The following CTNNA1 variants were observed in gnomAD, a reference collection of about 807,000 sequenced individuals.
CTNNA1 encodes catenin alpha 1.
A neutral mutation model predicts 98.4 loss-of-function variants in CTNNA1; 37 were observed. The ratio of observed to expected loss-of-function variants is 0.38; its 90% CI spans 0.29 to 0.49. CTNNA1 has a LOEUF of 0.49. Ranked by LOEUF, CTNNA1 falls within the 20% of genes least tolerant of loss-of-function variation. The pLI, the probability that CTNNA1 is intolerant of heterozygous loss-of-function variation, is 0.95. For missense variants in CTNNA1, 761 were observed against 1,147.2 expected, an observed-to-expected ratio of 0.66 and a Z score of 4.86; for synonymous variants, 404 against 413.2, an observed-to-expected ratio of 0.98 and a Z score of 0.27.
At chr5:138,852,859 T>TTGCGCGCGCGCACGCGCACACACACA (rs1554089778) in intron 7 of CTNNA1, among the ~76,000 whole-genome samples, 1 of 15,644 alleles carries the variant, frequency 6.4e-5, no homozygotes, top group South Asian at 2.3e-3. Context: ...TTCCCTCTTT[T>TTGCGCGCGCGCACGCGCACACACACA]CGCGCGCGCG....
intron 7 of CTNNA1, among the ~76,000 whole-genome samples, chr5:138,884,719 C>T (rs1753651365): frequency 6.6e-6 from 1 of 152,084 alleles, no homozygotes; most frequent in Non-Finnish European, 1.5e-5. Context: ...TATAATGAGG[C>T]ACATCCAACT....
In CTNNA1 at chr5:138,902,305, G is replaced by C. The variant is rs188800857; in HGVS notation, c.1297-2044G>C. Among the ~76,000 whole-genome samples, 271 of 152,308 alleles carry C rather than the reference G, an allele frequency of 1.8e-3. 1 individual carries two copies. Among genetic ancestry groups the C allele is most frequent in the African/African-American group, 5.8e-3 (242 of 41,542 alleles). The stretch of plus-strand genomic sequence containing the variant: ...GAGTTTTAAGGATTCATAAGATTGA[G>C]AATATAGATTGAAATAAGATTGTGC... On this transcript the variant is annotated intron_variant, in intron 9 of 17. Transcript: ENST00000302763.
At chr5:138,852,113 G>A (rs1178650238) in intron 7 of CTNNA1, among the ~76,000 whole-genome samples, 5 of 152,184 alleles carry the variant, frequency 3.3e-5, no homozygotes, top group Admixed American at 1.3e-4. Flanking sequence ...TATAACATGG[G>A]TGCTACCCAA....
chr5:138,888,739 G>A (rs1434846294), intron 9 of CTNNA1, among the ~76,000 whole-genome samples: 5 of 150,028 alleles, frequency 3.3e-5, no homozygotes, highest in African/African-American at 7.4e-5. Flanking sequence ...TTTTTTTTTA[G>A]TAGAGACGGG....
chr5:138,782,064 G>A (rs1299160571), intron 2 of CTNNA1, 35 bp downstream of exon 2: 2 of 1,589,720 alleles, frequency 1.3e-6, no homozygotes, highest in South Asian at 2.3e-5. Context: ...ATTGTAACAT[G>A]GTTCTATAGC....
chr5:138,925,152 A>T, intron 12 of CTNNA1, 104 bp from the exon 13 acceptor site: 1 of 1,269,700 alleles, frequency 7.9e-7, no homozygotes, highest in Non-Finnish European at 1.1e-6. Flanking sequence ...GCAGAGGCTC[A>T]TCATAAGCCT....
At chr5:138,829,151 G>A (rs1761015546) in intron 7 of CTNNA1, among the ~76,000 whole-genome samples, 1 of 152,122 alleles carries the variant, frequency 6.6e-6, no homozygotes, top group Non-Finnish European at 1.5e-5. Context: ...ATTATAGGCA[G>A]TCTACTTAAG....
chr5:138,903,482 T>C (rs546535240), intron 9 of CTNNA1, among the ~76,000 whole-genome samples: 22 of 152,304 alleles, frequency 1.4e-4, no homozygotes, highest in Admixed American at 1.1e-3. Context: ...GGCCCAGATA[T>C]TGCTAATGGA....
intron 1 of CTNNA1, among the ~76,000 whole-genome samples, chr5:138,766,673 T>G (rs569967582): frequency 5.9e-4 from 89 of 152,052 alleles, no homozygotes; most frequent in African/African-American, 2.1e-3. Context: ...TTGGTGGAAC[T>G]TTGGTCAGCG....
intron 11 of CTNNA1, 130 bp from the exon 12 acceptor site, chr5:138,924,380 T>G: frequency 1.3e-6 from 1 of 784,392 alleles, no homozygotes; most frequent in Admixed American, 2.3e-5. Context: ...GTCTCTCCAA[T>G]GAAGTATATG....
chr5:138,820,292 C>T (rs1031597355), intron 5 of CTNNA1, among the ~76,000 whole-genome samples: 11 of 151,608 alleles, frequency 7.3e-5, no homozygotes, highest in Admixed American at 2.0e-4. Flanking sequence ...AAGCTGTGGC[C>T]GCTCACACTA....
chr5:138,916,202 A>AG (rs1761728871), intron 10 of CTNNA1, among the ~76,000 whole-genome samples: 1 of 149,842 alleles, frequency 6.7e-6, no homozygotes, highest in Admixed American at 6.6e-5. Context: ...GAAGGGGCTA[A>AG]GGAGAGTTAA....
At chr5:138,888,820 G>A (rs535533251) in intron 9 of CTNNA1, among the ~76,000 whole-genome samples, 2 of 152,068 alleles carry the variant, frequency 1.3e-5, no homozygotes, top group Non-Finnish European at 1.5e-5. Flanking sequence ...GATTATAGGC[G>A]TGAGCCACTG....
intron 5 of CTNNA1, among the ~76,000 whole-genome samples, chr5:138,813,276 G>T (rs147418061): frequency 3.9e-5 from 6 of 152,282 alleles, no homozygotes; most frequent in African/African-American, 1.4e-4. Context: ...CACATAATAT[G>T]TCCAGTGAGA....
rs772733704 is a variant in CTNNA1 at position 138,917,854 on chromosome 5, C to T, written c.1502C>T (p.Ala501Val). The T allele has an allele frequency of 3.1e-6, 5 of 1,614,214 alleles. No individual in the cohort carries two copies. Among genetic ancestry groups the T allele is most frequent in the Non-Finnish European group, 4.2e-6 (5 of 1,180,018 alleles). Residue 501 changes from alanine (A) to valine (V), a missense_variant, in exon 11 of 18, where the codon GCT becomes GTT. Around this residue, in one of 6 missense-constraint regions of CTNNA1, gnomAD observed 287 missense variants for 436.0 expected, o/e 0.66. Coordinates refer to ENST00000302763, the MANE Select transcript of CTNNA1 (RefSeq NM_001903.5). ...AAACAAGTCCGTGTTCTCACAGATGCTGTCGATGACATTACTTCCATTGAT... is the reference window on the plus strand; with the variant it reads ...AAACAAGTCCGTGTTCTCACAGATGTTGTCGATGACATTACTTCCATTGAT... The part of the protein sequence containing the change: ...WEKQVRVLTD[A>V]VDDITSIDDF...
chr5:138,810,824 TTC>T (rs1758614389), intron 4 of CTNNA1, among the ~76,000 whole-genome samples: 2 of 152,086 alleles, frequency 1.3e-5, no homozygotes, highest in East Asian at 3.9e-4. Context: ...CAGACGGGGT[TTC>T]GGCCGGGCAG....
chr5:138,837,205 T>G (rs1761859295), intron 7 of CTNNA1, among the ~76,000 whole-genome samples: 1 of 152,208 alleles, frequency 6.6e-6, no homozygotes, highest in African/African-American at 2.4e-5. Context: ...TGTGATAGCA[T>G]TTGCTTCATT....
At chr5:138,837,811 T>A (rs1761939170) in intron 7 of CTNNA1, among the ~76,000 whole-genome samples, 1 of 150,748 alleles carries the variant, frequency 6.6e-6, no homozygotes, top group South Asian at 2.1e-4. Context: ...TTTGTAGATA[T>A]GGGGTCTTGC....
intron 5 of CTNNA1, among the ~76,000 whole-genome samples, chr5:138,822,808 A>G (rs1242399006): frequency 6.6e-6 from 1 of 152,234 alleles, no homozygotes. Context: ...GTAAGCTGTC[A>G]TGTTATACAA....
Sources: allele counts gnomAD v4.1 joint callset (sites outside exome capture counted in the v4.1 genomes callset), GRCh38; gene constraint gnomAD v4.1.1; regional missense constraint gnomAD v4.1.1; transcripts MANE v1.5; gene names NCBI Gene and HGNC (gene_info 2026-07-23, HGNC 2026-07-21).